NLGN1: variants seen among roughly 807,000 people sequenced by gnomAD.
NLGN1 encodes neuroligin-1.
NLGN1 carries 12 observed loss-of-function variants against 65.5 expected under a neutral mutation model. The ratio of observed to expected loss-of-function variants is 0.18; its 90% confidence interval spans 0.12 to 0.30. NLGN1 has a LOEUF of 0.30. Among genes scored for constraint, NLGN1 ranks in the 10% least tolerant of loss-of-function variants. The pLI, the probability that NLGN1 is intolerant of heterozygous loss-of-function variation, is 1.00. For missense variants in NLGN1, 750 were observed against 1,007.1 expected (o/e 0.74, Z 3.46); for synonymous variants, 350 against 359.5 (o/e 0.97, Z 0.30).
chr3:173,900,468 G>C (rs1026502789), intron 4 of NLGN1, among the ~76,000 whole-genome samples: 9 of 151,978 alleles, frequency 5.9e-5, no homozygotes. Flanking sequence ...GACAGAAATT[G>C]ATTTTGAAAA....
chr3:173,855,908 A>G (rs1308531545), intron 4 of NLGN1, among the ~76,000 whole-genome samples: 1 of 152,150 alleles, frequency 6.6e-6, no homozygotes, highest in East Asian at 1.9e-4. Flanking sequence ...ATAATTTTAA[A>G]CAACCACTTG....
At position 173,483,697 on chromosome 3, in the gene NLGN1, T is replaced by A. The variant is rs115737550; in HGVS notation, c.-321+48619T>A. Among the ~76,000 whole-genome samples, 1,203 of 152,250 alleles carry A rather than the reference T, an allele frequency of 7.9e-3. 14 individuals are homozygous for A. The highest frequency in any genetic ancestry group is 0.027 in the African/African-American group (1,133 of 41,564). On this transcript the variant is annotated intron_variant, in intron 2 of 6. Transcript: ENST00000457714. The stretch of plus-strand genomic sequence containing the variant: ...GAGAAAAAAGATTTGCTGATACATG[T>A]ATGGCAAAAGCCCCTGACTTATAGA...
intron 2 of NLGN1, among the ~76,000 whole-genome samples, chr3:173,574,078 AAAAAAG>A (rs1357076582): frequency 2.7e-5 from 4 of 150,854 alleles, no homozygotes; most frequent in African/African-American, 9.7e-5. Flanking sequence ...AAAAAAAAAA[AAAAAAG>A]AAAAAGAAAA....
At chr3:173,687,899 C>A (rs952098476) in intron 3 of NLGN1, among the ~76,000 whole-genome samples, 1 of 152,182 alleles carries the variant, frequency 6.6e-6, no homozygotes, top group Non-Finnish European at 1.5e-5. Context: ...AACTGTTGCT[C>A]TGTACTAGAA....
At chr3:173,546,310 T>A (rs899631324) in intron 2 of NLGN1, among the ~76,000 whole-genome samples, 10 of 152,112 alleles carry the variant, frequency 6.6e-5, no homozygotes, top group Non-Finnish European at 1.2e-4. Flanking sequence ...AGCACTAATT[T>A]TTGTATCACA....
downstream of NLGN1, among the ~76,000 whole-genome samples, chr3:174,291,373 G>A (rs1752750068): frequency 6.6e-6 from 1 of 151,066 alleles, no homozygotes; most frequent in Admixed American, 6.6e-5. Context: ...AAAATTTGAT[G>A]TCACATTTTC....
At chr3:174,234,754 C>T (rs1229681368) in intron 4 of NLGN1, among the ~76,000 whole-genome samples, 20 of 152,030 alleles carry the variant, frequency 1.3e-4, no homozygotes, top group Non-Finnish European at 1.5e-5. Context: ...TGACTAGCTA[C>T]CTAGTGAAAC....
At chr3:173,712,923 A>G (rs1769223133) in intron 3 of NLGN1, among the ~76,000 whole-genome samples, 1 of 152,224 alleles carries the variant, frequency 6.6e-6, no homozygotes, top group African/African-American at 2.4e-5. Context: ...ATAAGGAGAA[A>G]GGTAGGCATG....
At chr3:173,634,288 A>G in intron 3 of NLGN1, among the ~76,000 whole-genome samples, 1 of 152,284 alleles carries the variant, frequency 6.6e-6, no homozygotes, top group South Asian at 2.1e-4. Flanking sequence ...AAAATTATTT[A>G]AAATGAGTAT....
At chr3:173,855,489 C>T (rs190740886) in intron 4 of NLGN1, among the ~76,000 whole-genome samples, 12 of 151,952 alleles carry the variant, frequency 7.9e-5, no homozygotes, top group Admixed American at 4.6e-4. Context: ...TTTATTGCAC[C>T]GAGCCCTACA....
chr3:173,539,611 A>C (rs1407686300), intron 2 of NLGN1, among the ~76,000 whole-genome samples: 1 of 131,636 alleles, frequency 7.6e-6, no homozygotes, highest in Non-Finnish European at 1.5e-5. Context: ...TATGTATGTT[A>C]TATATTATAT....
chr3:173,894,691 G>A (rs1356718490), intron 4 of NLGN1, among the ~76,000 whole-genome samples: 1 of 149,002 alleles, frequency 6.7e-6, no homozygotes, highest in Non-Finnish European at 1.5e-5. Flanking sequence ...GAGTGCAATG[G>A]CAATGGCACA....
intron 2 of NLGN1, among the ~76,000 whole-genome samples, chr3:173,498,231 T>G (rs2149042923): frequency 6.9e-6 from 1 of 144,984 alleles, no homozygotes; most frequent in Non-Finnish European, 1.5e-5. Context: ...CAGTCCCCGG[T>G]GTGTGATGTT....
At chr3:174,032,652 A>C (rs1331876776) in intron 4 of NLGN1, among the ~76,000 whole-genome samples, 1 of 152,128 alleles carries the variant, frequency 6.6e-6, no homozygotes, top group African/African-American at 2.4e-5. Context: ...CATGGGCTTT[A>C]CCTCCAGTAC....
intron 3 of NLGN1, among the ~76,000 whole-genome samples, chr3:173,615,346 C>G (rs1302288453): frequency 2.0e-5 from 3 of 152,088 alleles, no homozygotes; most frequent in Admixed American, 6.6e-5. Context: ...AGTGCCCCAT[C>G]TGGCACTTTG....
At chr3:174,176,633 A>C (rs569261757) in intron 4 of NLGN1, among the ~76,000 whole-genome samples, 140 of 152,144 alleles carry the variant, frequency 9.2e-4, no homozygotes, top group African/African-American at 3.3e-3. Flanking sequence ...CTGTTTGTTC[A>C]AATGCAGAAC....
intron 3 of NLGN1, among the ~76,000 whole-genome samples, chr3:173,786,574 C>G (rs1239983873): frequency 6.6e-6 from 1 of 152,034 alleles, no homozygotes; most frequent in Non-Finnish European, 1.5e-5. Context: ...ACACAAAACC[C>G]ATATACATAA....
At chr3:173,653,077 GTA>G (rs908058065) in intron 3 of NLGN1, among the ~76,000 whole-genome samples, 1 of 151,968 alleles carries the variant, frequency 6.6e-6, no homozygotes, top group African/African-American at 2.4e-5. Flanking sequence ...ACTGATTTTT[GTA>G]TATCTATTTT....
chr3:174,284,130 C>G (rs995414931), exon 7 of NLGN1: 1 of 151,192 alleles, frequency 6.6e-6, no homozygotes, highest in African/African-American at 2.4e-5. Flanking sequence ...AAGCATAGCC[C>G]TATTAATTAT....
Sources: gnomAD v4.1 joint callset for allele counts (sites outside exome capture counted in the v4.1 genomes callset) on GRCh38, gnomAD v4.1.1 for gene constraint, MANE v1.5 for transcripts, NCBI Gene and HGNC (gene_info 2026-07-23, HGNC 2026-07-21) for gene names.